The following ACRV1 variants were observed in gnomAD, a reference collection of about 807,000 sequenced individuals.
The protein encoded by ACRV1 is acrosomal vesicle protein 1, also known as acrosomal protein SP-10.
Under a neutral mutation model 29.2 loss-of-function variants are expected in ACRV1, and 17 were observed. That is an observed-to-expected ratio of 0.58 (90% CI 0.40 to 0.87). The LOEUF is 0.87. Ranked by LOEUF, ACRV1 falls within the 40% of genes least tolerant of loss-of-function variation. ACRV1 has a pLI of 0.00. For synonymous variants in ACRV1, 98 were observed against 111.6 expected (o/e 0.88, Z 0.77); for missense variants, 294 against 316.0 (o/e 0.93, Z 0.53).
chr11:125,673,163 C>T (rs1212714974), intron 3 of ACRV1, among the ~76,000 whole-genome samples: 2 of 149,078 alleles, frequency 1.3e-5, no homozygotes, highest in South Asian at 2.1e-4. Context: ...ACTTTTTTAA[C>T]CTCTTTGCTT....
chr11:125,678,207 T>G lies in ACRV1; in HGVS notation c.143A>C (p.Asn48Thr). 1 of 1,613,542 alleles carries G rather than the reference T, an allele frequency of 6.2e-7. No individual in the cohort carries two copies. Among genetic ancestry groups the G allele is most frequent in the Non-Finnish European group, 8.5e-7 (1 of 1,179,882 alleles). The change falls in exon 2 of 4, where the codon AAC becomes ACC. Residue 48 changes from asparagine to threonine, a missense_variant. By Grantham distance (65) the Asn-to-Thr change is moderately conservative. Transcript: ENST00000533904. ...QLPGEFFSLENPSDAEALYET... is the reference protein window; with the variant it reads ...QLPGEFFSLETPSDAEALYET... ...ATATAAAGCCTCAGCATCAGAAGGG[T>G]TTTCAAGTGAAAAGAACTCACCTGG... is the stretch of plus-strand genomic sequence containing the variant.
At chr11:125,679,292 A>C (rs1178400515) in intron 1 of ACRV1, among the ~76,000 whole-genome samples, 2 of 147,958 alleles carry the variant, frequency 1.4e-5, no homozygotes, top group East Asian at 4.0e-4. Flanking sequence ...ATCTTGGCTC[A>C]CTGCAACCTC....
intron 3 of ACRV1, 34 bp downstream of exon 3, chr11:125,676,325 C>T (rs1228925098): frequency 6.2e-7 from 1 of 1,612,774 alleles, no homozygotes; most frequent in Non-Finnish European, 8.5e-7. Flanking sequence ...GATGTGTTCT[C>T]AGGCAGAAAT....
chr11:125,676,833 C>T (rs1942534733), intron 2 of ACRV1, among the ~76,000 whole-genome samples: 1 of 152,156 alleles, frequency 6.6e-6, no homozygotes, highest in Non-Finnish European at 1.5e-5. Context: ...TTGTACTCCC[C>T]ATCATACTCT....
intron 1 of ACRV1, 67 bp from the exon 2 acceptor site, chr11:125,678,364 A>T (rs933800230): frequency 2.4e-5 from 37 of 1,554,264 alleles, no homozygotes; most frequent in Admixed American, 2.2e-4. Flanking sequence ...CTATCTTCCT[A>T]TGGAGTTAGG....
chr11:125,672,631 T>A lies in ACRV1; in HGVS notation c.760A>T (p.Ile254Leu). The A allele has an allele frequency of 6.2e-7, 1 of 1,614,130 alleles. No individual in the cohort carries two copies. Among genetic ancestry groups the A allele is most frequent in the South Asian group, 1.1e-5 (1 of 91,084 alleles). ...LFSHGTRMQI[I>L]CCRNQSFCNK... ...CAGAAAGATTGATTTCGACAGCATA[T>A]AATTTGCATCCTCGTTCCATGGGAG... Residue 254 changes from isoleucine (I) to leucine (L), a missense_variant, in exon 4 of 4, where the codon ATA becomes TTA. Physicochemically the swap from Ile to Leu is conservative, Grantham distance 5 (BLOSUM62 2). Transcript: ENST00000533904.
In ACRV1 at chr11:125,678,018, C is replaced by T. The variant is rs1232171166; in HGVS notation, c.332G>A (p.Gly111Asp). ...AGGCTGTTCTCCTGAAGGCTGCTCA[C>T]CTACAGTATGCTCACCTTCAGCATG... ...TEHAEGEHTVGEQPSGEQPSG... is the reference protein window; with the variant it reads ...TEHAEGEHTVDEQPSGEQPSG... The change falls in exon 2 of 4, where the codon GGT (glycine) becomes GAT (aspartate). Residue 111 changes from glycine to aspartate, a missense_variant. Gly to Asp is a moderately conservative substitution (Grantham distance 94). Transcript: ENST00000533904. 7 of 1,614,054 alleles carry T rather than the reference C, an allele frequency of 4.3e-6. No homozygotes were observed. In the Admixed American group the frequency reaches 1.0e-4, roughly 23 times the overall value.
rs955673709 is a variant in ACRV1 at position 125,672,412 on chromosome 11, G to C, written c.*181C>G. On this transcript the variant is annotated 3_prime_UTR_variant, in exon 4 of 4. Transcript: ENST00000533904. Reference sequence around the variant, plus strand: ...GAGTTGGAGCAGGGAAGACAGGACAGAGAAGAATGGATAAAAGCATGAATA... The same window carrying C: ...GAGTTGGAGCAGGGAAGACAGGACACAGAAGAATGGATAAAAGCATGAATA... The C allele has an allele frequency of 7.3e-6, 5 of 687,126 alleles. No individual in the cohort carries two copies. In the African/African-American group the frequency reaches 9.0e-5, roughly 12 times the overall value. 42.6% of individuals were successfully genotyped at this position (687,126 alleles called of 1,614,324 possible).
In ACRV1 at chr11:125,678,205, G is replaced by A. The variant is rs183418543; in HGVS notation, c.145C>T (p.Pro49Ser). The A allele has an allele frequency of 5.6e-6, 9 of 1,614,114 alleles. No individual in the cohort carries two copies. Among genetic ancestry groups the A allele is most frequent in the Middle Eastern group, 1.6e-4 (1 of 6,062 alleles). ...LPGEFFSLEN[P>S]SDAEALYETS... Reference sequence around the variant, plus strand: ...TCATATAAAGCCTCAGCATCAGAAGGGTTTTCAAGTGAAAAGAACTCACCT... The same window carrying A: ...TCATATAAAGCCTCAGCATCAGAAGAGTTTTCAAGTGAAAAGAACTCACCT... The change falls in exon 2 of 4, where the codon CCT becomes TCT. Residue 49 changes from proline to serine, a missense_variant. By Grantham distance (74) the Pro-to-Ser change is moderately conservative (BLOSUM62 -1). Transcript: ENST00000533904.
intron 3 of ACRV1, among the ~76,000 whole-genome samples, chr11:125,673,231 A>G (rs1401572848): frequency 1.3e-5 from 2 of 148,632 alleles, no homozygotes; most frequent in African/African-American, 5.0e-5. Flanking sequence ...TTTTGAGACA[A>G]TCTCGCTCTG....
intron 3 of ACRV1, chr11:125,675,880 A>G (rs758612072): frequency 6.4e-6 from 1 of 156,622 alleles, no homozygotes; most frequent in Non-Finnish European, 1.4e-5. Flanking sequence ...CTGGTGGTAG[A>G]ATAAAGAATT....
At chr11:125,678,997 TAGACACACACAC>T (rs1942662896) in intron 1 of ACRV1, among the ~76,000 whole-genome samples, 1 of 142,288 alleles carries the variant, frequency 7.0e-6, no homozygotes. Context: ...TATATATATA[TAGACACACACAC>T]ATATATGAAT....
At chr11:125,680,101 A>G (rs1942726649) in intron 1 of ACRV1, among the ~76,000 whole-genome samples, 1 of 152,238 alleles carries the variant, frequency 6.6e-6, no homozygotes, top group Non-Finnish European at 1.5e-5. Context: ...TAACAAAGCA[A>G]AAAGCAAAAC....
rs1468372032 is a variant in ACRV1, at chr11:125,671,691, T to C, written c.*902A>G. On this transcript the variant is annotated 3_prime_UTR_variant, in exon 4 of 4. Coordinates refer to ENST00000533904, the MANE Select transcript of ACRV1 (RefSeq NM_001612.6). ...TGTGGAATCTGCCTATAGCTCTCTG[T>C]AGCTCTGTAACCTTGGTAAATTTGG... The C allele has an allele frequency of 6.6e-6, 1 of 152,218 alleles. No homozygotes were observed. Among genetic ancestry groups the C allele is most frequent in the Non-Finnish European group, 1.5e-5 (1 of 68,052 alleles). The allele number at this position is 152,218 out of a possible 1,614,324, so 9.4% of individuals were successfully genotyped here.
chr11:125,676,761 AG>A (rs1255533888), intron 2 of ACRV1, among the ~76,000 whole-genome samples: 5 of 152,152 alleles, frequency 3.3e-5, no homozygotes, highest in Non-Finnish European at 5.9e-5. Context: ...ATTTATCATT[AG>A]ATACCCTTCT....
chr11:125,674,778 A>G (rs1942406744), intron 3 of ACRV1, among the ~76,000 whole-genome samples: 1 of 152,198 alleles, frequency 6.6e-6, no homozygotes, highest in Non-Finnish European at 1.5e-5. Context: ...TTTAAAATGC[A>G]TATCATACTG....
intron 3 of ACRV1, among the ~76,000 whole-genome samples, chr11:125,673,171 CT>C (rs781753036): frequency 1.1e-4 from 16 of 147,210 alleles, no homozygotes; most frequent in Non-Finnish European, 2.4e-4. Flanking sequence ...AACCTCTTTG[CT>C]TGCACATCAT....
At position 125,677,904 on chromosome 11, in the gene ACRV1, C is replaced by G. The variant is rs113516137; in HGVS notation, c.446G>C (p.Gly149Ala). The change falls in exon 2 of 4, where the codon GGC becomes GCC. Residue 149 changes from glycine to alanine, a missense_variant. Gly to Ala is a moderately conservative substitution (Grantham distance 60, BLOSUM62 0). Coordinates refer to ENST00000533904, the MANE Select transcript of ACRV1 (RefSeq NM_001612.6). ...CTCACCAGAAGGCTGTTCACCGGAG[C>G]CATGTTCACCTGAAGGCTGTTCATC... is the stretch of plus-strand genomic sequence containing the variant. ...PSDEQPSGEHGSGEQPSGEQA... is the reference protein window; with the variant it reads ...PSDEQPSGEHASGEQPSGEQA... 1.2e-5 allele frequency: 20 copies of G among 1,613,850 alleles called. 1 individual carries two copies. In the African/African-American group the frequency reaches 1.5e-4, roughly 12 times the overall value.
At chr11:125,679,462 C>G (rs1481664258) in intron 1 of ACRV1, among the ~76,000 whole-genome samples, 1 of 152,154 alleles carries the variant, frequency 6.6e-6, no homozygotes, top group Non-Finnish European at 1.5e-5. Flanking sequence ...AAGTGATCCG[C>G]CCGCCTCAGC....
Sources: gnomAD v4.1 joint callset for allele counts (sites outside exome capture counted in the v4.1 genomes callset) on GRCh38, gnomAD v4.1.1 for gene constraint, MANE v1.5 for transcripts, NCBI Gene and HGNC (gene_info 2026-07-23, HGNC 2026-07-21) for gene names.